PIK3R1: variants seen among roughly 807,000 people sequenced by gnomAD.
The protein encoded by PIK3R1 is phosphatidylinositol 3-kinase regulatory subunit alpha.
A neutral mutation model predicts 98.0 loss-of-function variants in PIK3R1; 29 were observed. The observed-to-expected ratio is 0.30, with a 90% CI of 0.22 to 0.40. The LOEUF (loss-of-function observed/expected upper bound fraction) is 0.40. Among genes scored for constraint, PIK3R1 ranks in the 10% least tolerant of loss-of-function variants. The probability of loss-of-function intolerance (pLI) is 1.00; values close to 1 mark genes in which losing one functional copy is unlikely to be tolerated. For missense variants in PIK3R1, 596 were observed against 872.7 expected (o/e 0.68, Z 3.99); for synonymous variants, 282 against 311.8 (o/e 0.90, Z 1.01).
chr5:68,226,478 C>T lies in PIK3R1; in HGVS notation c.-198C>T. The T allele has an allele frequency of 1.8e-6, 1 of 542,808 alleles. No individual in the cohort carries two copies. The allele number at this position is 542,808 out of a possible 1,614,324, so 33.6% of individuals were successfully genotyped here. ...AAGTGGAGCCCTGTCTTCGGTCACACCATTGATGGAGGACAGATGGACAGC... is the reference window on the plus strand; with the variant it reads ...AAGTGGAGCCCTGTCTTCGGTCACATCATTGATGGAGGACAGATGGACAGC... On this transcript the variant is annotated 5_prime_UTR_variant, in exon 2 of 16. Coordinates refer to ENST00000521381, the MANE Select transcript of PIK3R1 (RefSeq NM_181523.3).
At position 68,279,741 on chromosome 5, in the gene PIK3R1, T is replaced by C. The variant is rs368138177; in HGVS notation, c.634+8T>C. 685 of 1,613,922 alleles carry C rather than the reference T, an allele frequency of 4.2e-4. 2 individuals are homozygous for C. Among genetic ancestry groups the C allele is most frequent in the Non-Finnish European group, 5.3e-4 (630 of 1,179,918 alleles). The stretch of plus-strand genomic sequence containing the variant: ...TGATTTCTTTAGCTCCAGGTTTGTT[T>C]TTTCTCTTCTGGGAACCTCATTGAA... On this transcript the variant is annotated splice_region_variant and intron_variant, in intron 5 of 15. Transcript: ENST00000521381.
At chr5:68,244,601 AAG>A (rs1048119055) in intron 2 of PIK3R1, among the ~76,000 whole-genome samples, 29 of 146,218 alleles carry the variant, frequency 2.0e-4, no homozygotes, top group African/African-American at 6.6e-4. Flanking sequence ...AAAAAAAAAA[AAG>A]AGTTTTAGCT....
intron 1 of PIK3R1, among the ~76,000 whole-genome samples, chr5:68,218,651 T>A (rs1743985725): frequency 6.6e-6 from 1 of 152,116 alleles, no homozygotes; most frequent in African/African-American, 2.4e-5. Context: ...GTTGAGATAA[T>A]GTTTGTGTTG....
chr5:68,274,484 C>G (rs981179873), intron 4 of PIK3R1, among the ~76,000 whole-genome samples: 3 of 152,046 alleles, frequency 2.0e-5, no homozygotes, highest in African/African-American at 7.2e-5. Context: ...TTCTTTCTGG[C>G]TTGCCTTCTT....
At chr5:68,224,898 CACTT>C (rs1186801921) in intron 1 of PIK3R1, among the ~76,000 whole-genome samples, 1 of 152,220 alleles carries the variant, frequency 6.6e-6, no homozygotes, top group Non-Finnish European at 1.5e-5. Flanking sequence ...AAAAGAAAAA[CACTT>C]ACATTTCACA....
At chr5:68,270,767 A>G (rs1390903063) in intron 2 of PIK3R1, among the ~76,000 whole-genome samples, 1 of 152,152 alleles carries the variant, frequency 6.6e-6, no homozygotes, top group Non-Finnish European at 1.5e-5. Flanking sequence ...TCTATTATAT[A>G]TGCTGACAGG....
At chr5:68,255,289 C>T (rs1408971100) in intron 2 of PIK3R1, among the ~76,000 whole-genome samples, 1 of 152,050 alleles carries the variant, frequency 6.6e-6, no homozygotes, top group Non-Finnish European at 1.5e-5. Context: ...CCACTCTTAC[C>T]GATAAAGGGA....
At chr5:68,265,672 G>A (rs573370506) in intron 2 of PIK3R1, among the ~76,000 whole-genome samples, 63 of 152,218 alleles carry the variant, frequency 4.1e-4, no homozygotes, top group African/African-American at 1.3e-3. Flanking sequence ...GGGTCAGGGC[G>A]TCAACATGAA....
chr5:68,224,201 T>A (rs1435671071), intron 1 of PIK3R1, among the ~76,000 whole-genome samples: 1 of 152,242 alleles, frequency 6.6e-6, no homozygotes, highest in Admixed American at 6.5e-5. Context: ...GAGGTCTCTG[T>A]CTCTTTTGTA....
At chr5:68,262,182 G>C (rs1745782188) in intron 2 of PIK3R1, among the ~76,000 whole-genome samples, 1 of 151,788 alleles carries the variant, frequency 6.6e-6, no homozygotes, top group South Asian at 2.1e-4. Context: ...ACGACTGATT[G>C]AATAGTTCCC....
intron 2 of PIK3R1, among the ~76,000 whole-genome samples, chr5:68,239,574 TAG>T (rs1209003701): frequency 6.6e-6 from 1 of 152,214 alleles, no homozygotes; most frequent in Non-Finnish European, 1.5e-5. Context: ...CAAGTTTAGT[TAG>T]AGATGGCCCA....
In PIK3R1 at chr5:68,299,609, G is replaced by A. The variant is rs1413036765; in HGVS notation, c.*2008G>A. 8.6e-6 allele frequency: 2 copies of A among 233,042 alleles called. No individual in the cohort carries two copies. Among genetic ancestry groups the A allele is most frequent in the Non-Finnish European group, 1.7e-5 (2 of 118,020 alleles). 14.4% of individuals were successfully genotyped at this position (233,042 alleles called of 1,614,324 possible). A position where few individuals can be genotyped will look rare whatever the true frequency, so the allele number is the denominator to read the frequency against. ...TGGTCACTACCCTAATAGACTAAAT[G>A]AAATCTTGCAATTTCAAATTACTCT... On this transcript the variant is annotated 3_prime_UTR_variant, in exon 16 of 16. Coordinates refer to ENST00000521381, the MANE Select transcript of PIK3R1 (RefSeq NM_181523.3).
At chr5:68,293,614 T>G in intron 10 of PIK3R1, 95 bp from the exon 11 acceptor site, 1 of 1,164,060 alleles carries the variant, frequency 8.6e-7, no homozygotes. Context: ...ATTACATAAT[T>G]GCAATTTTAA....
rs1409796639 is a variant in PIK3R1 at position 68,297,820 on chromosome 5, CCTT to C, written c.*223_*225del. On this transcript the variant is annotated 3_prime_UTR_variant, in exon 16 of 16. Coordinates refer to ENST00000521381, the MANE Select transcript of PIK3R1 (RefSeq NM_181523.3). ...ACGTTCCTAAGCTGGAGTGCTTATC[CCTT>C]CTTTTTCTTTTTTTCTTTGGTTTAA... 2.6e-6 allele frequency: 1 copy of C among 388,836 alleles called. No individual in the cohort carries two copies. Among genetic ancestry groups the C allele is most frequent in the African/African-American group, 2.1e-5 (1 of 48,576 alleles). The allele number at this position is 388,836 out of a possible 1,614,324, so 24.1% of individuals were successfully genotyped here. A position where few individuals can be genotyped will look rare whatever the true frequency, so the allele number is the denominator to read the frequency against.
chr5:68,284,390 A>G (rs1181537971), intron 7 of PIK3R1, among the ~76,000 whole-genome samples: 2 of 152,186 alleles, frequency 1.3e-5, no homozygotes, highest in Admixed American at 6.5e-5. Context: ...TGCCACCCTG[A>G]TGTGGGTACA....
intron 4 of PIK3R1, among the ~76,000 whole-genome samples, chr5:68,275,297 C>T (rs900476603): frequency 6.6e-6 from 1 of 152,104 alleles, no homozygotes; most frequent in Admixed American, 6.5e-5. Flanking sequence ...GCTTGTTTTT[C>T]GGTGTTTCTG....
At chr5:68,291,397 T>TTGTATAAGTTAAAATAG (rs1443768908) in intron 7 of PIK3R1, 3 of 152,194 alleles carry the variant, frequency 2.0e-5, no homozygotes, top group Non-Finnish European at 4.4e-5. Flanking sequence ...AAATCATTTT[T>TTGTATAAGTTAAAATAG]TGTATAAGTT....
intron 2 of PIK3R1, among the ~76,000 whole-genome samples, chr5:68,228,836 G>A (rs1390884478): frequency 6.6e-6 from 1 of 152,138 alleles, no homozygotes; most frequent in Non-Finnish European, 1.5e-5. Flanking sequence ...TTGCTATCAG[G>A]TGCAAGTTTC....
chr5:68,289,080 C>T (rs1021048110), intron 7 of PIK3R1, among the ~76,000 whole-genome samples: 1 of 152,158 alleles, frequency 6.6e-6, no homozygotes. Flanking sequence ...GATCCAACAG[C>T]CAGACTGGTT....
Sources: allele counts gnomAD v4.1 joint callset (sites outside exome capture counted in the v4.1 genomes callset), GRCh38; gene constraint gnomAD v4.1.1; transcripts MANE v1.5; gene names NCBI Gene and HGNC (gene_info 2026-07-23, HGNC 2026-07-21).